Variants in HIVEP3 observed in about 807,000 individuals in gnomAD.
The protein encoded by HIVEP3 is HIVEP zinc finger 3, also known as transcription factor HIVEP3.
HIVEP3 carries 49 observed loss-of-function variants against 152.8 expected under a neutral mutation model. The observed-to-expected ratio is 0.32, with a 90% CI of 0.26 to 0.41. The LOEUF (loss-of-function observed/expected upper bound fraction) is 0.41, where lower values mean the gene tolerates loss of function less well. Among genes scored for constraint, HIVEP3 ranks in the 10% least tolerant of loss-of-function variants. The probability of loss-of-function intolerance (pLI) is 1.00; values close to 1 mark genes in which losing one functional copy is unlikely to be tolerated. For missense variants in HIVEP3, 2,790 were observed against 3,103.3 expected, an observed-to-expected ratio of 0.90 and a Z score of 2.40; for synonymous variants, 1,269 against 1,289.0, an observed-to-expected ratio of 0.98 and a Z score of 0.33.
intron 1 of HIVEP3, among the ~76,000 whole-genome samples, chr1:41,745,620 C>T (rs919918486): frequency 1.3e-5 from 2 of 152,176 alleles, no homozygotes; most frequent in African/African-American, 2.4e-5. Flanking sequence ...ATAGACATAC[C>T]ACGTGTCTTT....
At chr1:41,637,668 C>T (rs1316008162) in intron 2 of HIVEP3, among the ~76,000 whole-genome samples, 1 of 152,220 alleles carries the variant, frequency 6.6e-6, no homozygotes, top group African/African-American at 2.4e-5. Context: ...ATGGAAAGGA[C>T]CTGGGGGATG....
intron 1 of HIVEP3, among the ~76,000 whole-genome samples, chr1:41,800,470 C>T (rs1022376598): frequency 6.6e-6 from 1 of 152,220 alleles, no homozygotes; most frequent in Non-Finnish European, 1.5e-5. Context: ...CCAGGCCCCT[C>T]GATGTGAGGG....
At chr1:41,567,885 G>T (rs1214941042) in intron 5 of HIVEP3, among the ~76,000 whole-genome samples, 1 of 152,194 alleles carries the variant, frequency 6.6e-6, no homozygotes, top group Non-Finnish European at 1.5e-5. Context: ...CTGATGGATG[G>T]GTTCTCACTG....
intron 5 of HIVEP3, among the ~76,000 whole-genome samples, chr1:41,573,773 G>C (rs1303570785): frequency 6.6e-6 from 1 of 152,158 alleles, no homozygotes; most frequent in Non-Finnish European, 1.5e-5. Flanking sequence ...GAGCTGGGGG[G>C]CTAGTCTCAG....
chr1:41,722,648 C>T (rs1311192215), intron 1 of HIVEP3, among the ~76,000 whole-genome samples: 2 of 151,468 alleles, frequency 1.3e-5, no homozygotes, highest in African/African-American at 2.4e-5. Flanking sequence ...TGCAGCAGGA[C>T]AGTCTCTATT....
At chr1:41,988,537 T>C (rs950751396) in intron 1 of HIVEP3, among the ~76,000 whole-genome samples, 1 of 152,202 alleles carries the variant, frequency 6.6e-6, no homozygotes, top group Non-Finnish European at 1.5e-5. Flanking sequence ...ACAGTTAGGA[T>C]AGCTGTTATC....
Position 41,677,887 on chromosome 1 carries a change from G to A in HIVEP3, c.-721+23029C>T, listed in dbSNP as rs531871707. 2.6e-5 allele frequency among the ~76,000 whole-genome samples: 4 copies of A among 152,270 alleles called. No homozygotes were observed. In the South Asian group the frequency reaches 8.3e-4, roughly 32 times the overall value. On this transcript the variant is annotated intron_variant, in intron 2 of 8. Transcript: ENST00000372583. ...TCCAGATGGGCCTAAGCTGCTTCCA[G>A]TCTCCCCTGCACAGTGTTGAAAAGA...
chr1:41,558,987 G>A (rs1021169391), intron 5 of HIVEP3, among the ~76,000 whole-genome samples: 1 of 151,980 alleles, frequency 6.6e-6, no homozygotes, highest in East Asian at 1.9e-4. Context: ...TCTGTCTTCT[G>A]CTGGCTGCTG....
At chr1:41,893,299 C>G (rs1479695863) in intron 1 of HIVEP3, among the ~76,000 whole-genome samples, 1 of 152,178 alleles carries the variant, frequency 6.6e-6, no homozygotes, top group African/African-American at 2.4e-5. Context: ...GAACTGGGCT[C>G]TGAACCCTGG....
At position 41,522,111 on chromosome 1, in the gene HIVEP3, C is replaced by T. The variant is rs970007012; in HGVS notation, c.5383+2624G>A. Among the ~76,000 whole-genome samples the T allele has an allele frequency of 6.6e-5, 10 of 152,276 alleles. No homozygotes were observed. In the East Asian group the frequency reaches 1.2e-3, roughly 18 times the overall value. ...CCCTGGTGTAGCCGGGTGGTAGGGTCGGGAGGGCTGCCTGGGGCAGGCCTG... is the reference window on the plus strand; with the variant it reads ...CCCTGGTGTAGCCGGGTGGTAGGGTTGGGAGGGCTGCCTGGGGCAGGCCTG... On this transcript the variant is annotated intron_variant, in intron 6 of 8. Coordinates refer to ENST00000372583, the MANE Select transcript of HIVEP3 (RefSeq NM_024503.5).
At chr1:41,710,271 A>C (rs1292403840) in intron 1 of HIVEP3, among the ~76,000 whole-genome samples, 1 of 152,166 alleles carries the variant, frequency 6.6e-6, no homozygotes, top group African/African-American at 2.4e-5. Context: ...CTGCAGGGCT[A>C]GAAAGATTCT....
intron 1 of HIVEP3, among the ~76,000 whole-genome samples, chr1:41,702,744 T>C (rs750209960): frequency 1.2e-4 from 18 of 152,212 alleles, no homozygotes; most frequent in Non-Finnish European, 2.6e-4. Flanking sequence ...AAGGCCGGTC[T>C]CCCAGCAGAT....
At position 41,903,535 on chromosome 1, in the gene HIVEP3, C is replaced by T. The variant is rs1428860716; in HGVS notation, c.-801+14878G>A. On this transcript the variant is annotated intron_variant, in intron 1 of 8. Coordinates refer to ENST00000372583, the MANE Select transcript of HIVEP3 (RefSeq NM_024503.5). ...GAGGCTAGAAAAGACCACACTTGCC[C>T]GACTTGTCCTACCTTTCTCTCCTCA... Among the ~76,000 whole-genome samples, 13 of 152,342 alleles carry T rather than the reference C, an allele frequency of 8.5e-5. No individual in the cohort carries two copies. In the East Asian group the frequency reaches 9.6e-4, roughly 11 times the overall value.
intron 1 of HIVEP3, among the ~76,000 whole-genome samples, chr1:41,821,099 C>T (rs997609709): frequency 3.3e-5 from 5 of 152,152 alleles, no homozygotes; most frequent in South Asian, 2.1e-4. Context: ...GAAGCAGAGC[C>T]GTAAAGCTCT....
intron 1 of HIVEP3, among the ~76,000 whole-genome samples, chr1:41,956,012 G>A (rs992302398): frequency 1.3e-5 from 2 of 152,218 alleles, no homozygotes; most frequent in Non-Finnish European, 2.9e-5. Flanking sequence ...GCTTGTAGCC[G>A]GGACTCACTT....
rs903820880 is a variant in HIVEP3 at position 41,715,802 on chromosome 1, A to G, written c.-800-14807T>C. On this transcript the variant is annotated intron_variant, in intron 1 of 8. Transcript: ENST00000372583. ...TGAAGTTTATCAAACACCAGGCTTC[A>G]TGCCTATAATATCCTCAGCAGGCAG... Among the ~76,000 whole-genome samples, 6 of 152,212 alleles carry G rather than the reference A, an allele frequency of 3.9e-5. No individual in the cohort carries two copies. The East Asian group carries it at 7.7e-4, about 20-fold the overall frequency.
chr1:41,984,330 A>G (rs1645310066), intron 1 of HIVEP3, among the ~76,000 whole-genome samples: 1 of 152,160 alleles, frequency 6.6e-6, no homozygotes, highest in Admixed American at 6.5e-5. Context: ...TTGAGAAAAA[A>G]ATGAGCAAGC....
chr1:41,822,212 C>T (rs904642372), intron 1 of HIVEP3, among the ~76,000 whole-genome samples: 1 of 152,162 alleles, frequency 6.6e-6, no homozygotes, highest in African/African-American at 2.4e-5. Flanking sequence ...GGCCTCTCTC[C>T]CTATGTTGCC....
At chr1:41,598,062 A>G (rs1469165205) in intron 3 of HIVEP3, among the ~76,000 whole-genome samples, 1 of 152,210 alleles carries the variant, frequency 6.6e-6, no homozygotes, top group African/African-American at 2.4e-5. Context: ...TATGAACTTA[A>G]CTCAACCTGT....
Sources: gnomAD v4.1 joint callset for allele counts (sites outside exome capture counted in the v4.1 genomes callset) on GRCh38, gnomAD v4.1.1 for gene constraint, MANE v1.5 for transcripts, NCBI Gene and HGNC (gene_info 2026-07-23, HGNC 2026-07-21) for gene names.